Variants in PRKCA observed in about 807,000 individuals in gnomAD.
PRKCA encodes the protein protein kinase C alpha, also known as protein kinase C alpha type.
PRKCA carries 27 observed loss-of-function variants against 87.0 expected under a neutral mutation model. The observed-to-expected ratio is 0.31, with a 90% CI of 0.23 to 0.43. The LOEUF is 0.43. Among genes scored for constraint, PRKCA ranks in the 20% least tolerant of loss-of-function variants. The pLI, the probability that PRKCA is intolerant of heterozygous loss-of-function variation, is 1.00. For synonymous variants in PRKCA, 329 were observed against 311.1 expected (o/e 1.06, Z -0.61); for missense variants, 518 against 852.3 (o/e 0.61, Z 4.88).
At chr17:66,411,223 C>G (rs1911781004) in intron 2 of PRKCA, among the ~76,000 whole-genome samples, 1 of 147,128 alleles carries the variant, frequency 6.8e-6, no homozygotes, top group Non-Finnish European at 1.5e-5. Flanking sequence ...AGTTGTGCCC[C>G]TGTAGCACCA....
At chr17:66,700,708 A>G (rs1394926616) in intron 8 of PRKCA, among the ~76,000 whole-genome samples, 1 of 152,226 alleles carries the variant, frequency 6.6e-6, no homozygotes. Flanking sequence ...TAGCATCAAA[A>G]AGAACGAAAT....
rs187089015 is a variant in PRKCA at position 66,417,979 on chromosome 17, G to C, written c.206-78222G>C. 3.2e-4 allele frequency among the ~76,000 whole-genome samples: 48 copies of C among 152,276 alleles called. 1 individual carries two copies. The highest frequency in any genetic ancestry group is 2.9e-3 in the Admixed American group (44 of 15,298). Reference sequence around the variant, plus strand: ...TGCACAGCAATGTTGCACACTCTCTGTTTTATTTTCCCCAAATTAGCCATG... The same window carrying C: ...TGCACAGCAATGTTGCACACTCTCTCTTTTATTTTCCCCAAATTAGCCATG... On this transcript the variant is annotated intron_variant, in intron 2 of 16. Transcript: ENST00000413366.
chr17:66,568,942 C>T (rs1026843635), intron 3 of PRKCA, among the ~76,000 whole-genome samples: 43 of 151,952 alleles, frequency 2.8e-4, no homozygotes, highest in Admixed American at 1.3e-3. Context: ...CCTTCAGTTG[C>T]CAAGCAGTGG....
chr17:66,724,008 G>C (rs568605115), intron 8 of PRKCA, among the ~76,000 whole-genome samples: 1 of 152,320 alleles, frequency 6.6e-6, no homozygotes, highest in East Asian at 1.9e-4. Context: ...GGAACTTGGA[G>C]AAATGTCCCA....
chr17:66,711,597 C>T (rs1973328706), intron 8 of PRKCA, among the ~76,000 whole-genome samples: 1 of 152,188 alleles, frequency 6.6e-6, no homozygotes, highest in African/African-American at 2.4e-5. Flanking sequence ...ACCAGCTGTG[C>T]TCTCAGCGTA....
In PRKCA at chr17:66,562,136, ATTATATATATAATTAAAT is replaced by A. The variant is rs1161634371; in HGVS notation, c.288+65855_288+65872del. Among the ~76,000 whole-genome samples, 118 of 57,114 alleles carry A rather than the reference ATTATATATATAATTAAAT, an allele frequency of 2.1e-3. 7 individuals are homozygous for A. The highest frequency in any genetic ancestry group is 8.9e-3 in the African/African-American group (112 of 12,640). 37.5% of individuals were successfully genotyped at this position (57,114 alleles called of 152,430 possible). A position where few individuals can be genotyped will look rare whatever the true frequency, so the allele number is the denominator to read the frequency against. On this transcript the variant is annotated intron_variant, in intron 3 of 16. Coordinates refer to ENST00000413366, the MANE Select transcript of PRKCA (RefSeq NM_002737.3). ...TATATAATTAAATATATATAATTAA[ATTATATATATAATTAAAT>A]TATATATATAATTAAATATATATAA...
chr17:66,781,868 G>GATATATATATATATATATATATATAT (rs1201713784), intron 14 of PRKCA, among the ~76,000 whole-genome samples: 1 of 99,320 alleles, frequency 1.0e-5, no homozygotes, highest in African/African-American at 3.8e-5. Flanking sequence ...GAGAGAGAGA[G>GATATATATATATATATATATATATAT]ATATATATAT....
At chr17:66,500,451 T>G (rs560492912) in intron 3 of PRKCA, among the ~76,000 whole-genome samples, 1 of 152,328 alleles carries the variant, frequency 6.6e-6, no homozygotes, top group Admixed American at 6.5e-5. Context: ...AATTTTCTTA[T>G]TTTATCCTTT....
intron 3 of PRKCA, among the ~76,000 whole-genome samples, chr17:66,625,417 T>C (rs1391657781): frequency 6.6e-6 from 1 of 152,216 alleles, no homozygotes; most frequent in Non-Finnish European, 1.5e-5. Flanking sequence ...TTTAAAACTC[T>C]ATTGACTTGT....
rs146391843 is a variant in PRKCA at position 66,491,152 on chromosome 17, G to A, written c.206-5049G>A. 4.5e-3 allele frequency among the ~76,000 whole-genome samples: 682 copies of A among 152,280 alleles called. 3 individuals are homozygous for A. Among genetic ancestry groups the A allele is most frequent in the Middle Eastern group, 6.8e-3 (2 of 294 alleles). ...GATTTGTGCATTTCCAGTGTCGTCCGTCACTGCTGGGGAGCAGACAAATAT... is the reference window on the plus strand; with the variant it reads ...GATTTGTGCATTTCCAGTGTCGTCCATCACTGCTGGGGAGCAGACAAATAT... On this transcript the variant is annotated intron_variant, in intron 2 of 16. Coordinates refer to ENST00000413366, the MANE Select transcript of PRKCA (RefSeq NM_002737.3).
At chr17:66,362,043 T>C (rs1908417530) in intron 2 of PRKCA, among the ~76,000 whole-genome samples, 1 of 152,150 alleles carries the variant, frequency 6.6e-6, no homozygotes, top group African/African-American at 2.4e-5. Context: ...TCTTTCTTTC[T>C]TTCTTTTTTG....
At position 66,766,733 on chromosome 17, in the gene PRKCA, G is replaced by A. The variant is rs562044244; in HGVS notation, c.1525-7254G>A. ...TGGGGCAGAAGAATTGCTTGAACCC[G>A]GGAGGCAGAGGTTGCAGTGAGCAGA... On this transcript the variant is annotated intron_variant, in intron 13 of 16. Transcript: ENST00000413366. 1.8e-3 allele frequency among the ~76,000 whole-genome samples: 278 copies of A among 151,632 alleles called. 1 individual carries two copies. Among genetic ancestry groups the A allele is most frequent in the African/African-American group, 5.9e-3 (243 of 41,306 alleles).
intron 3 of PRKCA, among the ~76,000 whole-genome samples, chr17:66,640,034 G>A (rs1244063445): frequency 6.6e-6 from 1 of 152,016 alleles, no homozygotes; most frequent in Non-Finnish European, 1.5e-5. Context: ...TAAATAAGCA[G>A]AGGCCCCAGA....
intron 2 of PRKCA, among the ~76,000 whole-genome samples, chr17:66,467,817 C>G (rs1915151248): frequency 6.6e-6 from 1 of 151,882 alleles, no homozygotes; most frequent in African/African-American, 2.4e-5. Flanking sequence ...CTTGGCCTTC[C>G]AAAGTGCTAG....
chr17:66,403,268 T>A (rs988413493), intron 2 of PRKCA, among the ~76,000 whole-genome samples: 27 of 152,212 alleles, frequency 1.8e-4, no homozygotes, highest in Admixed American at 1.3e-4. Context: ...GTCTCTGAAA[T>A]ATACCTGGTT....
intron 11 of PRKCA, among the ~76,000 whole-genome samples, chr17:66,740,321 A>G (rs943250390): frequency 6.6e-6 from 1 of 151,780 alleles, no homozygotes; most frequent in Non-Finnish European, 1.5e-5. Flanking sequence ...ACATCATCTC[A>G]CCTCTCAGGG....
chr17:66,553,418 G>A (rs1369900032), intron 3 of PRKCA, among the ~76,000 whole-genome samples: 1 of 152,144 alleles, frequency 6.6e-6, no homozygotes, highest in African/African-American at 2.4e-5. Flanking sequence ...TGTTCCCTGA[G>A]CTCTCCTACT....
At chr17:66,684,297 G>A (rs796411132) in intron 5 of PRKCA, among the ~76,000 whole-genome samples, 3 of 152,306 alleles carry the variant, frequency 2.0e-5, no homozygotes, top group Admixed American at 1.3e-4. Context: ...CTTGCTTGAA[G>A]GAGATATAAT....
intron 14 of PRKCA, among the ~76,000 whole-genome samples, chr17:66,781,977 A>G (rs746320955): frequency 1.0e-3 from 152 of 151,138 alleles, no homozygotes; most frequent in Non-Finnish European, 1.8e-3. Flanking sequence ...GCAGTGGTGC[A>G]ATCTCGGCTC....
Sources: gnomAD v4.1 joint callset for allele counts (sites outside exome capture counted in the v4.1 genomes callset) on GRCh38, gnomAD v4.1.1 for gene constraint, MANE v1.5 for transcripts, NCBI Gene and HGNC (gene_info 2026-07-23, HGNC 2026-07-21) for gene names.